The following CCDC178 variants were observed in gnomAD, a reference collection of about 807,000 sequenced individuals.
The protein encoded by CCDC178 is coiled-coil domain-containing protein 178.
Under a neutral mutation model 117.4 loss-of-function variants are expected in CCDC178, and 126 were observed. The ratio of observed to expected loss-of-function variants is 1.07; its 90% CI spans 0.93 to 1.24. CCDC178 has a LOEUF of 1.24. Among genes scored for constraint, CCDC178 ranks in the 50% most tolerant of loss-of-function variants. The probability of loss-of-function intolerance (pLI) is 0.00; values close to 1 mark genes in which losing one functional copy is unlikely to be tolerated. For synonymous variants in CCDC178, 283 were observed against 313.4 expected (o/e 0.90, Z 1.02); for missense variants, 1,030 against 986.9 (o/e 1.04, Z -0.59).
At chr18:33,157,553 C>A (rs2058415898) in intron 20 of CCDC178, among the ~76,000 whole-genome samples, 3 of 152,042 alleles carry the variant, frequency 2.0e-5, no homozygotes, top group African/African-American at 7.2e-5. Flanking sequence ...CAATTTTTCT[C>A]TTTTATAAAA....
chr18:33,121,919 A>G (rs1417746056), intron 20 of CCDC178, among the ~76,000 whole-genome samples: 1 of 152,142 alleles, frequency 6.6e-6, no homozygotes, highest in Non-Finnish European at 1.5e-5. Context: ...ATTTAGAAAG[A>G]CAAAAACTTG....
chr18:33,158,307 T>C (rs888107348), intron 20 of CCDC178, among the ~76,000 whole-genome samples: 84 of 152,252 alleles, frequency 5.5e-4, no homozygotes, highest in African/African-American at 2.0e-3. Context: ...ATGAAAATAC[T>C]TGTAGCCCCA....
chr18:33,148,650 C>G (rs2058303786), intron 20 of CCDC178, among the ~76,000 whole-genome samples: 1 of 152,014 alleles, frequency 6.6e-6, no homozygotes, highest in South Asian at 2.1e-4. Context: ...TTATTGTATC[C>G]CATTTCCACA....
chr18:33,364,472 A>G (rs1367432129), intron 6 of CCDC178, among the ~76,000 whole-genome samples: 1 of 152,056 alleles, frequency 6.6e-6, no homozygotes, highest in Non-Finnish European at 1.5e-5. Context: ...AGGTCTGTAT[A>G]GAATTTTAAA....
intron 15 of CCDC178, among the ~76,000 whole-genome samples, chr18:33,237,436 C>T (rs546704618): frequency 6.6e-6 from 1 of 152,336 alleles, no homozygotes; most frequent in East Asian, 1.9e-4. Context: ...AGAAACCATA[C>T]AGCCATGTCA....
At chr18:33,348,846 C>G in intron 8 of CCDC178, 44 bp downstream of exon 8, 1 of 1,230,380 alleles carries the variant, frequency 8.1e-7, no homozygotes, top group East Asian at 2.4e-5. Context: ...AGTCAATGAA[C>G]TTTTAAATAT....
At chr18:33,323,967 A>G (rs575661340) in intron 10 of CCDC178, among the ~76,000 whole-genome samples, 1 of 151,990 alleles carries the variant, frequency 6.6e-6, no homozygotes, top group Admixed American at 6.5e-5. Context: ...AAACAAAGTG[A>G]CCTGTACTCC....
intron 20 of CCDC178, among the ~76,000 whole-genome samples, chr18:33,155,235 A>G (rs2058380456): frequency 6.6e-6 from 1 of 152,150 alleles, no homozygotes; most frequent in African/African-American, 2.4e-5. Context: ...ATATTTGTGA[A>G]TTAAAGAACA....
At chr18:33,246,074 C>A (rs905012668) in intron 14 of CCDC178, among the ~76,000 whole-genome samples, 13 of 151,938 alleles carry the variant, frequency 8.6e-5, no homozygotes, top group African/African-American at 3.1e-4. Flanking sequence ...TTATAATAAC[C>A]TGCAAAGCAT....
At chr18:33,428,724 C>A (rs2064157234) in intron 2 of CCDC178, among the ~76,000 whole-genome samples, 1 of 101,874 alleles carries the variant, frequency 9.8e-6, no homozygotes, top group Non-Finnish European at 1.8e-5. Context: ...GAGTGAGACT[C>A]TGTCTCAAAA....
At chr18:33,047,962 C>T (rs1234018159) in intron 21 of CCDC178, among the ~76,000 whole-genome samples, 1 of 152,134 alleles carries the variant, frequency 6.6e-6, no homozygotes, top group African/African-American at 2.4e-5. Context: ...ATTCTGTCCC[C>T]TCAAAAAGAT....
chr18:33,205,427 C>T (rs1456720328), intron 20 of CCDC178, among the ~76,000 whole-genome samples: 1 of 151,896 alleles, frequency 6.6e-6, no homozygotes, highest in Non-Finnish European at 1.5e-5. Flanking sequence ...AAGAAAGCTG[C>T]CATTTTATAA....
chr18:33,021,713 A>G (rs542021816), intron 21 of CCDC178, among the ~76,000 whole-genome samples: 4 of 151,068 alleles, frequency 2.6e-5, no homozygotes, highest in Non-Finnish European at 4.4e-5. Flanking sequence ...AACTGCTACA[A>G]TTGCTCTCAG....
chr18:32,938,249 C>A, intron 22 of CCDC178, 158 bp from the exon 23 acceptor site: 3 of 573,818 alleles, frequency 5.2e-6, no homozygotes, highest in South Asian at 4.7e-5. Flanking sequence ...AGTATAAACC[C>A]CAAGGAAGAG....
At chr18:33,162,670 G>T (rs564040820) in intron 20 of CCDC178, among the ~76,000 whole-genome samples, 1 of 152,248 alleles carries the variant, frequency 6.6e-6, no homozygotes, top group South Asian at 2.1e-4. Flanking sequence ...ATTTATAAGT[G>T]AGAACACGAG....
chr18:33,145,920 T>C (rs1358362581), intron 20 of CCDC178, among the ~76,000 whole-genome samples: 1 of 152,178 alleles, frequency 6.6e-6, no homozygotes, highest in East Asian at 1.9e-4. Flanking sequence ...ATTTGGGAAA[T>C]GTTACAGGAA....
chr18:33,248,353 A>G (rs8093672), intron 14 of CCDC178, among the ~76,000 whole-genome samples: 131,511 of 150,136 alleles, frequency 0.88, 57,669 homozygotes, highest in South Asian at 0.93. Flanking sequence ...TACATGTGCC[A>G]TGTTGGTGTG....
chr18:33,138,731 G>T (rs191636146), intron 20 of CCDC178, among the ~76,000 whole-genome samples: 123 of 152,050 alleles, frequency 8.1e-4, no homozygotes, highest in East Asian at 3.9e-4. Flanking sequence ...AGTCAAACTT[G>T]GACAAGTTTA....
intron 2 of CCDC178, among the ~76,000 whole-genome samples, chr18:33,416,223 C>T (rs1283478183): frequency 2.6e-5 from 4 of 152,090 alleles, no homozygotes; most frequent in African/African-American, 7.2e-5. Context: ...GCCAGGAGTT[C>T]GAAACCATCC....
Sources: gnomAD v4.1 joint callset for allele counts (sites outside exome capture counted in the v4.1 genomes callset) on GRCh38, gnomAD v4.1.1 for gene constraint, MANE v1.5 for transcripts, NCBI Gene and HGNC (gene_info 2026-07-23, HGNC 2026-07-21) for gene names.